The following NMT1 variants were observed in gnomAD, a reference collection of about 807,000 sequenced individuals.
NMT1 encodes the protein glycylpeptide N-tetradecanoyltransferase 1.
A neutral mutation model predicts 63.4 loss-of-function variants in NMT1; 12 were observed. The observed-to-expected ratio is 0.19, with a 90% CI of 0.12 to 0.31. The LOEUF is 0.31. Among genes scored for constraint, NMT1 ranks in the 10% least tolerant of loss-of-function variants. The pLI, the probability that NMT1 is intolerant of heterozygous loss-of-function variation, is 1.00. For synonymous variants in NMT1, 228 were observed against 234.3 expected (o/e 0.97, Z 0.25); for missense variants, 432 against 634.6 (o/e 0.68, Z 3.43).
chr17:45,081,488 C>T (rs1855162674), intron 1 of NMT1, among the ~76,000 whole-genome samples, 156 bp from the exon 2 acceptor site: 1 of 152,198 alleles, frequency 6.6e-6, no homozygotes, highest in Admixed American at 6.5e-5. Flanking sequence ...TGCTGGTGTC[C>T]TCCAAATGCC....
chr17:45,068,691 G>A (rs2053918916), intron 1 of NMT1, among the ~76,000 whole-genome samples: 1 of 152,152 alleles, frequency 6.6e-6, no homozygotes, highest in Admixed American at 6.6e-5. Flanking sequence ...CTGTCGCCCA[G>A]GCTGGAGTAC....
In NMT1 at chr17:45,093,690, G is replaced by A; in HGVS notation, c.391G>A (p.Val131Met). ...CAGCTGTGCTCTTCTTTCAGGCGAA[G>A]TGGTGAACACCCATGGCCCCGTGGA... ...DTQPVPKLGE[V>M]VNTHGPVEPD... The change falls in exon 4 of 12, where the codon GTG (valine) becomes ATG (methionine). Residue 131 changes from valine (V) to methionine (M), a missense_variant. Coordinates refer to ENST00000258960, the MANE Select transcript of NMT1 (RefSeq NM_021079.5). 1 of 1,614,088 alleles carries A rather than the reference G, an allele frequency of 6.2e-7. No individual in the cohort carries two copies. The highest frequency in any genetic ancestry group is 8.5e-7 in the Non-Finnish European group (1 of 1,179,922).
chr17:45,070,053 T>G (rs2053929784), intron 1 of NMT1, among the ~76,000 whole-genome samples: 1 of 152,122 alleles, frequency 6.6e-6, no homozygotes, highest in Admixed American at 6.6e-5. Flanking sequence ...TTTGTCTCAT[T>G]CCGGTTTTAA....
intron 1 of NMT1, among the ~76,000 whole-genome samples, chr17:45,064,394 A>C (rs2053888169): frequency 6.6e-6 from 1 of 152,182 alleles, no homozygotes; most frequent in African/African-American, 2.4e-5. Flanking sequence ...AGAGAGTCTA[A>C]TTCTGGCACT....
At position 45,073,189 on chromosome 17, in the gene NMT1, G is replaced by A. The variant is rs554377037; in HGVS notation, c.132-8455G>A. Among the ~76,000 whole-genome samples the A allele has an allele frequency of 1.1e-3, 164 of 152,108 alleles. 1 individual carries two copies. The highest frequency in any genetic ancestry group is 1.9e-3 in the Non-Finnish European group (127 of 67,992). ...CGTAATCCCAGCACTGTAGGAGGCT[G>A]AGGCAGATCACTTGAGGCCAGGAGT... On this transcript the variant is annotated intron_variant, in intron 1 of 11. Coordinates refer to ENST00000258960, the MANE Select transcript of NMT1 (RefSeq NM_021079.5).
chr17:45,103,131 G>A lies in NMT1; in HGVS notation c.1164+10G>A. 2 of 1,602,728 alleles carry A rather than the reference G, an allele frequency of 1.2e-6. No homozygotes were observed. The highest frequency in any genetic ancestry group is 1.7e-6 in the Non-Finnish European group (2 of 1,170,760). The stretch of plus-strand genomic sequence containing the variant: ...CACTTTCGTGGTGGAGGTGAGTCAG[G>A]GAGTGGTGTTCCAGGTCTCTAACAC... On this transcript the variant is annotated intron_variant, in intron 9 of 11. Coordinates refer to ENST00000258960, the MANE Select transcript of NMT1 (RefSeq NM_021079.5). This position sits in a 1 kb window ranked among gnomAD's most constrained non-coding sequence, Gnocchi z 4.8.
chr17:45,086,282 G>A (rs1161812172), intron 2 of NMT1, among the ~76,000 whole-genome samples: 3 of 151,778 alleles, frequency 2.0e-5, no homozygotes, highest in African/African-American at 4.8e-5. Context: ...CCGCCACCAC[G>A]CCTGGCTAAT....
In NMT1 at chr17:45,106,735, C is replaced by G. The variant is rs1340643287; in HGVS notation, c.*1096C>G. 1.3e-5 allele frequency: 2 copies of G among 152,686 alleles called. No individual in the cohort carries two copies. The highest frequency in any genetic ancestry group is 2.9e-5 in the Non-Finnish European group (2 of 68,064). The allele number at this position is 152,686 out of a possible 1,614,324, so 9.5% of individuals were successfully genotyped here. A position where few individuals can be genotyped will look rare whatever the true frequency, so the allele number is the denominator to read the frequency against. On this transcript the variant is annotated 3_prime_UTR_variant, in exon 12 of 12. Transcript: ENST00000258960. ...CCCATTAGCCATTTCTTGTTGTGCC[C>G]CTTTCCAAGATACAGCCTGCAAGTG... is the stretch of plus-strand genomic sequence containing the variant.
intron 8 of NMT1, 85 bp from the exon 9 acceptor site, chr17:45,102,866 C>A (rs1598020385): frequency 3.8e-6 from 5 of 1,326,058 alleles, no homozygotes; most frequent in Non-Finnish European, 5.2e-6. Context: ...CAGGGATTCT[C>A]TCTTGAGGGC....
chr17:45,061,789 A>G (rs2053863299), intron 1 of NMT1: 1 of 198,596 alleles, frequency 5.0e-6, no homozygotes, highest in Non-Finnish European at 1.0e-5. Context: ...GTAACAGTAC[A>G]GTTCAAAGGG....
At position 45,086,601 on chromosome 17, in the gene NMT1, G is replaced by T. The variant is rs1297768336; in HGVS notation, c.334G>T (p.Ala112Ser). 1.2e-6 allele frequency: 2 copies of T among 1,613,470 alleles called. No individual in the cohort carries two copies. The highest frequency in any genetic ancestry group is 1.7e-6 in the Non-Finnish European group (2 of 1,179,778). Residue 112 changes from alanine (A) to serine (S), a missense_variant, in exon 3 of 12, where the codon GCT becomes TCT. Transcript: ENST00000258960. ...GGGACCTGCCAAAACCATGGAGGAG[G>T]CTAGCAAGCGAAGCTACCAGTTCTG... ...GQGPAKTMEE[A>S]SKRSYQFWDT...
At chr17:45,100,402 T>C (rs1338252996) in intron 8 of NMT1, among the ~76,000 whole-genome samples, 1 of 149,530 alleles carries the variant, frequency 6.7e-6, no homozygotes, top group Non-Finnish European at 1.5e-5. Context: ...CCGTCTCTAG[T>C]AAAAATATAA....
chr17:45,064,941 CCCT>C (rs991178374), intron 1 of NMT1, among the ~76,000 whole-genome samples: 2 of 152,276 alleles, frequency 1.3e-5, no homozygotes, highest in Middle Eastern at 3.4e-3. Context: ...TCCTTTTCCT[CCCT>C]CCTCCTCTTT....
At position 45,106,781 on chromosome 17, in the gene NMT1, G is replaced by C. The variant is rs1366838555; in HGVS notation, c.*1142G>C. ...AAGTGGTAGCAAGAAGTGATTAGAG[G>C]CAGATCTGGACTTGGCAACAGAAGT... On this transcript the variant is annotated 3_prime_UTR_variant, in exon 12 of 12. Coordinates refer to ENST00000258960, the MANE Select transcript of NMT1 (RefSeq NM_021079.5). The C allele has an allele frequency of 1.3e-5, 2 of 152,652 alleles. No homozygotes were observed. The highest frequency in any genetic ancestry group is 2.9e-5 in the Non-Finnish European group (2 of 68,058). 9.5% of individuals were successfully genotyped at this position (152,652 alleles called of 1,614,324 possible). A position where few individuals can be genotyped will look rare whatever the true frequency, so the allele number is the denominator to read the frequency against.
chr17:45,098,273 C>T, intron 6 of NMT1, 109 bp from the exon 7 acceptor site: 2 of 1,007,702 alleles, frequency 2.0e-6, no homozygotes, highest in African/African-American at 1.6e-5. Context: ...GCTAAAAGTA[C>T]ACCCGTGCTG....
intron 4 of NMT1, among the ~76,000 whole-genome samples, chr17:45,095,471 G>A (rs550756734): frequency 1.3e-5 from 2 of 152,156 alleles, no homozygotes; most frequent in Admixed American, 1.3e-4. Context: ...GCAGAAAAAG[G>A]CCTTTGTGGT....
chr17:45,078,496 A>T (rs1445120339), intron 1 of NMT1, among the ~76,000 whole-genome samples: 1 of 152,094 alleles, frequency 6.6e-6, no homozygotes, highest in East Asian at 1.9e-4. Flanking sequence ...GTATATATAT[A>T]TATACACAGT....
intron 1 of NMT1, chr17:45,061,671 T>C (rs1488895041): frequency 2.3e-5 from 12 of 515,512 alleles, no homozygotes; most frequent in Non-Finnish European, 3.5e-5. Flanking sequence ...TTCAGTACTT[T>C]TATTATATAA....
intron 1 of NMT1, among the ~76,000 whole-genome samples, chr17:45,068,506 G>T (rs2053917339): frequency 6.6e-6 from 1 of 152,124 alleles, no homozygotes; most frequent in South Asian, 2.1e-4. Flanking sequence ...TTCTAGAGCT[G>T]CTCTCTTGAG....
Sources: allele counts gnomAD v4.1 joint callset (sites outside exome capture counted in the v4.1 genomes callset), GRCh38; gene constraint gnomAD v4.1.1; non-coding constraint Gnocchi (gnomAD v3.1); transcripts MANE v1.5; gene names NCBI Gene and HGNC (gene_info 2026-07-23, HGNC 2026-07-21).